INTS6: variants seen among roughly 807,000 people sequenced by gnomAD.
INTS6 encodes integrator complex subunit 6.
A neutral mutation model predicts 104.9 loss-of-function variants in INTS6; 16 were observed. The ratio of observed to expected loss-of-function variants is 0.15; its 90% CI spans 0.10 to 0.23. The LOEUF (loss-of-function observed/expected upper bound fraction) is 0.23, where lower values mean the gene tolerates loss of function less well. INTS6 is among the 10% of genes least tolerant of loss of function. The probability of loss-of-function intolerance (pLI) is 1.00; values close to 1 mark genes in which losing one functional copy is unlikely to be tolerated. For missense variants in INTS6, 584 were observed against 1,062.8 expected (o/e 0.55, Z 6.26); for synonymous variants, 324 against 358.7 (o/e 0.90, Z 1.09).
chr13:51,344,407 A>G, the INTS6 span: 1 of 1,611,688 alleles, frequency 6.2e-7, no homozygotes, highest in Non-Finnish European at 8.5e-7. Flanking sequence ...GGCTAACAGC[A>G]GCCTGGAACC....
chr13:51,386,377 C>T (rs571248123), intron 7 of INTS6, among the ~76,000 whole-genome samples: 2 of 151,910 alleles, frequency 1.3e-5, no homozygotes, highest in Admixed American at 1.3e-4. Flanking sequence ...TGAAAGAGCT[C>T]CAGAAAAGAA....
Position 51,378,379 on chromosome 13 carries a change from T to G in INTS6, c.1462A>C (p.Ser488Arg). 1 of 1,613,506 alleles carries G rather than the reference T, an allele frequency of 6.2e-7. No individual in the cohort carries two copies. The highest frequency in any genetic ancestry group is 8.5e-7 in the Non-Finnish European group (1 of 1,179,532). The change falls in exon 12 of 18, where the codon AGC (serine) becomes CGC (arginine). Residue 488 changes from serine (S) to arginine (R), a missense_variant. Ser to Arg is a moderately radical substitution (Grantham distance 110). Around this residue, in one of 5 missense-constraint regions of INTS6, gnomAD observed 74 missense variants for 64.4 expected, o/e 1.15. Transcript: ENST00000311234. ...VVQETGIKVR[S>R]RSHGLSMAYR... ...GCCATTGATAAACCATGTGATCGGC[T>G]CCGGACTTTTATTCCAGTCTCCTGT...
chr13:51,401,399 AAAG>A (rs1956437049), intron 4 of INTS6, among the ~76,000 whole-genome samples: 1 of 152,136 alleles, frequency 6.6e-6, no homozygotes, highest in Non-Finnish European at 1.5e-5. Flanking sequence ...TATTTAACAG[AAAG>A]AAGAAAACTG....
intron 4 of INTS6, among the ~76,000 whole-genome samples, chr13:51,404,097 C>CAG (rs1223399459): frequency 3.7e-5 from 5 of 134,936 alleles, no homozygotes; most frequent in African/African-American, 1.4e-4. Context: ...CACACACACA[C>CAG]ACACACAGAG....
In INTS6 at chr13:51,365,818, T is replaced by C. The variant is rs1233189485; in HGVS notation, c.2598A>G (p.Gln866=). The change falls in exon 18 of 18, where the codon CAA becomes CAG. Residue 866 remains glutamine, a synonymous_variant. Transcript: ENST00000311234. ...GAATTTCATCCAAGAAGTTCTCCAGTTGTTCTATTAGCATTCGTTTTTTAA... is the reference window on the plus strand; with the variant it reads ...GAATTTCATCCAAGAAGTTCTCCAGCTGTTCTATTAGCATTCGTTTTTTAA... ...SRFKKRMLIE[Q]LENFLDEIHR... 2 of 1,602,164 alleles carry C rather than the reference T, an allele frequency of 1.2e-6. No individual in the cohort carries two copies. The highest frequency in any genetic ancestry group is 1.7e-6 in the Non-Finnish European group (2 of 1,174,300).
At chr13:51,346,887 T>C in the INTS6 span, 1 of 637,592 alleles carries the variant, frequency 1.6e-6, no homozygotes, top group South Asian at 1.9e-5. Flanking sequence ...TATTGTAAGA[T>C]GAAGAGAGAG....
chr13:51,436,275 ATG>A (rs1323847750), intron 3 of INTS6, among the ~76,000 whole-genome samples: 3 of 152,134 alleles, frequency 2.0e-5, no homozygotes, highest in African/African-American at 7.2e-5. Flanking sequence ...AAAATTAAAA[ATG>A]TGTTTGGTAT....
chr13:51,374,934 T>G, intron 13 of INTS6, 138 bp from the exon 14 acceptor site: 1 of 811,392 alleles, frequency 1.2e-6, no homozygotes, highest in Non-Finnish European at 1.8e-6. Context: ...TTTGGTGCAA[T>G]TATAACCACT....
the INTS6 span, among the ~76,000 whole-genome samples, chr13:51,334,982 CAAA>C: frequency 4.0e-4 from 28 of 70,814 alleles, no homozygotes; most frequent in African/African-American, 9.7e-4. Context: ...GACTCCGTCT[CAAA>C]AAAAAAAAAA....
Position 51,374,774 on chromosome 13 carries a change from T to C in INTS6, c.1752A>G (p.Ile584Met). Reference protein sequence around the residue: ...QDEDQVHSVPIAQMGNYQEYL... With the variant: ...QDEDQVHSVPMAQMGNYQEYL... ...ATTCCTGGTAGTTCCCCATTTGTGC[T>C]ATAGGAACACTGTGCACTTGATCTT... Residue 584 changes from isoleucine (I) to methionine (M), a missense_variant, in exon 14 of 18, where the codon ATA becomes ATG. Around this residue, in one of 5 missense-constraint regions of INTS6, gnomAD observed 296 missense variants for 437.0 expected, o/e 0.68. Transcript: ENST00000311234. 6.2e-7 allele frequency: 1 copy of C among 1,613,660 alleles called. No individual in the cohort carries two copies. Among genetic ancestry groups the C allele is most frequent in the African/African-American group, 1.3e-5 (1 of 75,030 alleles).
chr13:51,384,506 TCTA>T (rs1956105204), intron 7 of INTS6: 1 of 395,550 alleles, frequency 2.5e-6, no homozygotes, highest in Non-Finnish European at 5.0e-6. Flanking sequence ...GGTTCACAAA[TCTA>T]CTGTTGGGGC....
chr13:51,336,569 T>C, the INTS6 span, among the ~76,000 whole-genome samples: 1 of 152,212 alleles, frequency 6.6e-6, no homozygotes, highest in Non-Finnish European at 1.5e-5. Context: ...ACATGACGAT[T>C]CCAAAGCCCC....
rs1952679965 is a variant in INTS6 at position 51,436,079 on chromosome 13, AT to A, written c.340-5697del. Among the ~76,000 whole-genome samples the A allele has an allele frequency of 3.3e-5, 5 of 152,074 alleles. No individual in the cohort carries two copies. In the South Asian group the frequency reaches 1.0e-3, roughly 31 times the overall value. ...TTTGATGTCAAACTCTAAAATATTC[AT>A]CTTAAGACATTAACCCTTGTAAAAC... On this transcript the variant is annotated intron_variant, in intron 3 of 17. Transcript: ENST00000311234.
the INTS6 span, among the ~76,000 whole-genome samples, chr13:51,346,816 G>A: frequency 1.3e-5 from 2 of 152,210 alleles, no homozygotes; most frequent in Non-Finnish European, 2.9e-5. Context: ...GGTGCCTTGG[G>A]TCCCTGACAG....
intron 4 of INTS6, among the ~76,000 whole-genome samples, chr13:51,399,114 C>G (rs1054771323): frequency 6.6e-6 from 1 of 152,162 alleles, no homozygotes; most frequent in Non-Finnish European, 1.5e-5. Context: ...TTTATGGCTT[C>G]TTTCATCATT....
the INTS6 span, chr13:51,340,949 G>A: frequency 3.5e-6 from 3 of 857,252 alleles, no homozygotes; most frequent in Non-Finnish European, 5.4e-6. Context: ...ACAGCTCAAT[G>A]CATCTCTCCC....
chr13:51,445,967 C>T (rs947106839), intron 3 of INTS6: 7 of 152,122 alleles, frequency 4.6e-5, no homozygotes, highest in African/African-American at 1.7e-4. Context: ...AGATCTAAAG[C>T]TATAAAACTC....
rs899204682 is a variant in INTS6, at chr13:51,451,840, G to A, written c.189+138C>T. On this transcript the variant is annotated intron_variant, in intron 2 of 17. Transcript: ENST00000311234. ...GCGGGGGAGGGGGTGGGAGCCCGCA[G>A]GGAAGAGACCTCAGCGGCTGGGAGC... 3.0e-5 allele frequency: 15 copies of A among 506,860 alleles called. No individual in the cohort carries two copies. In the East Asian group the frequency reaches 4.6e-4, roughly 16 times the overall value. 31.4% of individuals were successfully genotyped at this position (506,860 alleles called of 1,614,324 possible).
chr13:51,336,537 T>C, the INTS6 span, among the ~76,000 whole-genome samples: 1 of 152,164 alleles, frequency 6.6e-6, no homozygotes, highest in Non-Finnish European at 1.5e-5. Flanking sequence ...TACAACAGCA[T>C]AGATTCATAG....
Sources: allele counts gnomAD v4.1 joint callset (sites outside exome capture counted in the v4.1 genomes callset), GRCh38; gene constraint gnomAD v4.1.1; regional missense constraint gnomAD v4.1.1; transcripts MANE v1.5; gene names NCBI Gene and HGNC (gene_info 2026-07-23, HGNC 2026-07-21).